Variants in ABI2 observed in about 807,000 individuals in gnomAD.
ABI2 encodes the protein abelson interactor 2.
A neutral mutation model predicts 59.2 loss-of-function variants in ABI2; 25 were observed. The observed-to-expected ratio is 0.42, with a 90% confidence interval of 0.31 to 0.59. The LOEUF (loss-of-function observed/expected upper bound fraction) is 0.59, where lower values mean the gene tolerates loss of function less well. Among genes scored for constraint, ABI2 ranks in the 20% least tolerant of loss-of-function variants. The pLI is 0.14. For missense variants in ABI2, 545 were observed against 681.8 expected (o/e 0.80, Z 2.23); for synonymous variants, 213 against 235.5 (o/e 0.90, Z 0.87).
intron 1 of ABI2, among the ~76,000 whole-genome samples, chr2:203,357,032 G>A (rs1233905077): frequency 1.6e-5 from 2 of 122,244 alleles, no homozygotes; most frequent in African/African-American, 2.5e-5. Flanking sequence ...AATGAGGAAA[G>A]CGTTTTTAAA....
intron 10 of ABI2, among the ~76,000 whole-genome samples, chr2:203,413,318 G>A (rs888269502): frequency 6.6e-6 from 1 of 152,090 alleles, no homozygotes; most frequent in Admixed American, 6.6e-5. Context: ...ATTGGTTTTC[G>A]CCAGTCACCA....
At chr2:203,425,270 C>T (rs2098393718) in intron 11 of ABI2, among the ~76,000 whole-genome samples, 1 of 151,996 alleles carries the variant, frequency 6.6e-6, no homozygotes, top group Admixed American at 6.6e-5. Context: ...GTCACCAAGG[C>T]TGGAGGGAAG....
At chr2:203,346,975 C>G (rs1221035931) in intron 1 of ABI2, among the ~76,000 whole-genome samples, 1 of 152,086 alleles carries the variant, frequency 6.6e-6, no homozygotes, top group Non-Finnish European at 1.5e-5. Context: ...ATCTTATAAA[C>G]TTGAATTTGT....
In ABI2 at chr2:203,328,650, T is replaced by TGGGCCGCGTCGGGGACCCCCCCGCC. The variant is rs2070083811; in HGVS notation, c.117+23_117+47dup. 5.3e-6 allele frequency: 8 copies of TGGGCCGCGTCGGGGACCCCCCCGCC among 1,510,564 alleles called. No individual in the cohort carries two copies. The highest frequency in any genetic ancestry group is 1.4e-5 in the African/African-American group (1 of 69,222). 93.6% of individuals were successfully genotyped at this position (1,510,564 alleles called of 1,614,324 possible). A position where few individuals can be genotyped will look rare whatever the true frequency, so the allele number is the denominator to read the frequency against. On this transcript the variant is annotated intron_variant, in intron 1 of 11. Coordinates refer to ENST00000261018, the MANE Select transcript of ABI2 (RefSeq NM_001375670.1). Reference sequence around the variant, plus strand: ...CATACAGGTGCGAAGCATCCCCAGCTGGGCCGCGTCGGGGACCCCCCCGCC... The same window carrying TGGGCCGCGTCGGGGACCCCCCCGCC: ...CATACAGGTGCGAAGCATCCCCAGCTGGGCCGCGTCGGGGACCCCCCCGCCGGGCCGCGTCGGGGACCCCCCCGCC...
chr2:203,405,642 G>T (rs959913080), intron 9 of ABI2, among the ~76,000 whole-genome samples: 1 of 151,804 alleles, frequency 6.6e-6, no homozygotes, highest in African/African-American at 2.4e-5. Flanking sequence ...AATATTTGTT[G>T]TGCTTTCTCA....
chr2:203,418,265 C>T (rs567446538), intron 11 of ABI2, among the ~76,000 whole-genome samples: 85 of 152,332 alleles, frequency 5.6e-4, no homozygotes, highest in African/African-American at 1.9e-3. Context: ...TGTATTGCTA[C>T]CTAACAAGTT....
chr2:203,383,466 C>A (rs1476714768), intron 4 of ABI2, among the ~76,000 whole-genome samples: 3 of 152,096 alleles, frequency 2.0e-5, no homozygotes, highest in Non-Finnish European at 4.4e-5. Flanking sequence ...GTGTTAACCT[C>A]CAAAGTGATA....
At chr2:203,373,378 A>G (rs1259728144) in intron 2 of ABI2, among the ~76,000 whole-genome samples, 1 of 152,146 alleles carries the variant, frequency 6.6e-6, no homozygotes, top group East Asian at 1.9e-4. Flanking sequence ...CAGGAGAATC[A>G]GGCAGGGAGG....
rs71408936 is a variant in ABI2, at chr2:203,429,753, CAAAA to C, written c.*2415_*2418del. On this transcript the variant is annotated 3_prime_UTR_variant, in exon 12 of 12. Coordinates refer to ENST00000261018, the MANE Select transcript of ABI2 (RefSeq NM_001375670.1). ...GCCTGGTGACAGAGCGAGACTCCAT[CAAAA>C]AAAAAAAAAAAAAGTTCCCACAGCT... 5.4e-5 allele frequency: 7 copies of C among 130,368 alleles called. No individual in the cohort carries two copies. Among genetic ancestry groups the C allele is most frequent in the Non-Finnish European group, 9.5e-5 (6 of 63,034 alleles). The allele number at this position is 130,368 out of a possible 1,614,324, so 8.1% of individuals were successfully genotyped here.
chr2:203,375,059 A>G (rs983968964), intron 2 of ABI2, among the ~76,000 whole-genome samples: 5 of 152,220 alleles, frequency 3.3e-5, no homozygotes, highest in African/African-American at 1.2e-4. Flanking sequence ...TCTCAAGGCC[A>G]TAAGAGGTAT....
rs1027578421 is a variant in ABI2 at position 203,430,386 on chromosome 2, TTG to T, written c.*3040_*3041del. ...AGAGGGGATTCTTCCCTCCTGAAGTTTGTGTGTCCAGTCCCCTTAAAAAAAAT... is the reference window on the plus strand; with the variant it reads ...AGAGGGGATTCTTCCCTCCTGAAGTTTGTGTCCAGTCCCCTTAAAAAAAAT... On this transcript the variant is annotated 3_prime_UTR_variant, in exon 12 of 12. Transcript: ENST00000261018. The T allele has an allele frequency of 1.3e-5, 2 of 152,278 alleles. No individual in the cohort carries two copies. Among genetic ancestry groups the T allele is most frequent in the South Asian group, 2.1e-4 (1 of 4,816 alleles). 9.4% of individuals were successfully genotyped at this position (152,278 alleles called of 1,614,324 possible).
chr2:203,422,552 G>A (rs534017631), intron 11 of ABI2, among the ~76,000 whole-genome samples: 29 of 152,278 alleles, frequency 1.9e-4, no homozygotes, highest in Admixed American at 3.3e-4. Flanking sequence ...CCACAGAAGC[G>A]TAGTAATCAG....
chr2:203,377,151 C>G (rs1020484714), intron 2 of ABI2, among the ~76,000 whole-genome samples: 1 of 152,052 alleles, frequency 6.6e-6, no homozygotes, highest in Non-Finnish European at 1.5e-5. Flanking sequence ...CATCCCATCT[C>G]TACAAAAAAT....
At chr2:203,385,146 T>TTTTTTC in intron 4 of ABI2, among the ~76,000 whole-genome samples, 1 of 61,598 alleles carries the variant, frequency 1.6e-5, no homozygotes, top group Non-Finnish European at 4.9e-5. Context: ...ATTCTTTTTT[T>TTTTTTC]TTTTTTGAGA....
At chr2:203,355,810 A>C (rs1358403559) in intron 1 of ABI2, among the ~76,000 whole-genome samples, 2 of 146,466 alleles carry the variant, frequency 1.4e-5, no homozygotes, top group African/African-American at 2.5e-5. Flanking sequence ...CAGCCTGGGC[A>C]ACAAGAGCAA....
Position 203,396,961 on chromosome 2 carries a change from C to G in ABI2, c.1027C>G (p.Pro343Ala), listed in dbSNP as rs1015516006. 6 of 1,497,526 alleles carry G rather than the reference C, an allele frequency of 4.0e-6. No individual in the cohort carries two copies. The South Asian group carries it at 5.1e-5, about 13-fold the overall frequency. 92.8% of individuals were successfully genotyped at this position (1,497,526 alleles called of 1,614,324 possible). A position where few individuals can be genotyped will look rare whatever the true frequency, so the allele number is the denominator to read the frequency against. The change falls in exon 8 of 12, where the codon CCT (proline) becomes GCT (alanine). Residue 343 changes from proline (P) to alanine (A), a missense_variant. Physicochemically the swap from Pro to Ala is conservative, Grantham distance 27. Transcript: ENST00000261018. ...PTPPVVSSTP[P>A]TGHPVQFYSM... is the part of the protein sequence containing the mutation. ...TCCCCCTGTTGTTTCTTCCACTCCC[C>G]CTACAGGTAAGTATTTGCTTATTCA...
intron 4 of ABI2, among the ~76,000 whole-genome samples, chr2:203,386,286 CTCTTT>C (rs558062237): frequency 4.7e-4 from 71 of 152,072 alleles, no homozygotes; most frequent in African/African-American, 1.6e-3. Context: ...TGTTTAAATT[CTCTTT>C]TCTTTTTTTT....
chr2:203,419,904 C>T (rs1162254333), intron 11 of ABI2, among the ~76,000 whole-genome samples: 1 of 152,136 alleles, frequency 6.6e-6, no homozygotes. Flanking sequence ...AGGAGAATCA[C>T]TTGAACTCCA....
In ABI2 at chr2:203,380,217, A is replaced by G. The variant is rs747978075; in HGVS notation, c.295A>G (p.Ile99Val). ...SINHISQTVDIHKEKVARREI... is the reference protein window; with the variant it reads ...SINHISQTVDVHKEKVARREI... ...ACATTATATTTTGCAGACAGTTGAT[A>G]TTCATAAAGAGAAAGTTGCAAGAAG... The change falls in exon 3 of 12, where the codon ATT (isoleucine) becomes GTT (valine). Residue 99 changes from isoleucine to valine, a missense_variant. Ile to Val is a conservative substitution (Grantham distance 29). Transcript: ENST00000261018. The G allele has an allele frequency of 3.8e-6, 6 of 1,577,964 alleles. No homozygotes were observed. The highest frequency in any genetic ancestry group is 5.2e-6 in the Non-Finnish European group (6 of 1,164,984).
Sources: allele counts gnomAD v4.1 joint callset (sites outside exome capture counted in the v4.1 genomes callset), GRCh38; gene constraint gnomAD v4.1.1; transcripts MANE v1.5; gene names NCBI Gene and HGNC (gene_info 2026-07-23, HGNC 2026-07-21).